LMCD1: variants seen among roughly 807,000 people sequenced by gnomAD.
The protein encoded by LMCD1 is LIM and cysteine-rich domains protein 1.
A neutral mutation model predicts 42.7 loss-of-function variants in LMCD1; 32 were observed. That is an observed-to-expected ratio of 0.75 (90% CI 0.57 to 1.01). LMCD1 has a LOEUF of 1.01. LMCD1 is among the 50% of genes least tolerant of loss of function. The pLI is 0.00. For synonymous variants in LMCD1, 178 were observed against 184.9 expected (o/e 0.96, Z 0.30); for missense variants, 458 against 483.1 (o/e 0.95, Z 0.49).
chr3:8,517,818 AC>A (rs1694126649), intron 1 of LMCD1, among the ~76,000 whole-genome samples: 1 of 152,088 alleles, frequency 6.6e-6, no homozygotes, highest in Admixed American at 6.5e-5. Flanking sequence ...ATTTTTATAC[AC>A]TTTAGAGATA....
At chr3:8,555,527 C>T (rs568048520) in intron 4 of LMCD1, among the ~76,000 whole-genome samples, 1 of 152,298 alleles carries the variant, frequency 6.6e-6, no homozygotes, top group Non-Finnish European at 1.5e-5. Flanking sequence ...GGGCAGGAGC[C>T]TGGGGGCAGC....
chr3:8,561,742 T>G lies in LMCD1; in HGVS notation c.724-3690T>G, dbSNP rs531736453. Among the ~76,000 whole-genome samples, 25 of 152,276 alleles carry G rather than the reference T, an allele frequency of 1.6e-4. No individual in the cohort carries two copies. In the South Asian group the frequency reaches 5.2e-3, roughly 32 times the overall value. ...GATAATGATTTTCCGAATAGAAAAA[T>G]AACTCTAGAAGGAGAAATAACTCTC... is the stretch of plus-strand genomic sequence containing the variant. On this transcript the variant is annotated intron_variant, in intron 4 of 5. Transcript: ENST00000157600.
chr3:8,544,199 T>C (rs1694690410), intron 3 of LMCD1, among the ~76,000 whole-genome samples: 2 of 152,102 alleles, frequency 1.3e-5, no homozygotes, highest in African/African-American at 2.4e-5. Flanking sequence ...CTCATGACGG[T>C]CAGAACCCTA....
At chr3:8,556,389 T>C (rs1479175316) in intron 4 of LMCD1, among the ~76,000 whole-genome samples, 1 of 148,858 alleles carries the variant, frequency 6.7e-6, no homozygotes, top group African/African-American at 2.5e-5. Flanking sequence ...TCCAGGAAGC[T>C]TTTTTTTTTC....
chr3:8,546,551 G>C (rs934597338), intron 3 of LMCD1, among the ~76,000 whole-genome samples: 1 of 152,238 alleles, frequency 6.6e-6, no homozygotes, highest in Non-Finnish European at 1.5e-5. Flanking sequence ...TTTCAGTTCA[G>C]GACAAGCCGA....
Position 8,567,825 on chromosome 3 carries a change from G to A in LMCD1, c.*227G>A, listed in dbSNP as rs940561824. 1 of 342,484 alleles carries A rather than the reference G, an allele frequency of 2.9e-6. No individual in the cohort carries two copies. The highest frequency in any genetic ancestry group is 5.2e-6 in the Non-Finnish European group (1 of 192,686). The allele number at this position is 342,484 out of a possible 1,614,324, so 21.2% of individuals were successfully genotyped here. On this transcript the variant is annotated 3_prime_UTR_variant, in exon 6 of 6. Transcript: ENST00000157600. ...TTCAAAACCAAAAATATTCTAAGAA[G>A]TCTTAGGATGGAGTTCCTTTTCTTT... is the stretch of plus-strand genomic sequence containing the variant.
At chr3:8,558,548 G>A (rs375386378) in intron 4 of LMCD1, among the ~76,000 whole-genome samples, 6 of 152,196 alleles carry the variant, frequency 3.9e-5, no homozygotes, top group Admixed American at 2.6e-4. Context: ...ACGTTCTCAC[G>A]AGCAAGCTCC....
At position 8,571,450 on chromosome 3, in the gene LMCD1, A is replaced by T. The variant is rs1041367524; in HGVS notation, c.*3852A>T. On this transcript the variant is annotated 3_prime_UTR_variant, in exon 6 of 6. Coordinates refer to ENST00000157600, the MANE Select transcript of LMCD1 (RefSeq NM_014583.4). ...CTGGCAGCCTACACATTGCCACCAC[A>T]CCCCACTTCCTTCTTCCTAGTGGCA... 6.6e-6 allele frequency: 1 copy of T among 152,134 alleles called. No individual in the cohort carries two copies. The highest frequency in any genetic ancestry group is 2.4e-5 in the African/African-American group (1 of 41,430). 9.4% of individuals were successfully genotyped at this position (152,134 alleles called of 1,614,324 possible). A position where few individuals can be genotyped will look rare whatever the true frequency, so the allele number is the denominator to read the frequency against.
At chr3:8,512,899 G>A (rs940590125) in intron 1 of LMCD1, among the ~76,000 whole-genome samples, 3 of 152,168 alleles carry the variant, frequency 2.0e-5, no homozygotes, top group Non-Finnish European at 4.4e-5. Flanking sequence ...AGTGGGAGAG[G>A]TAGGATTAGA....
chr3:8,565,578 G>A lies in LMCD1; in HGVS notation c.870G>A (p.Lys290=), dbSNP rs774927576. The A allele has an allele frequency of 1.2e-6, 2 of 1,613,686 alleles. No homozygotes were observed. The highest frequency in any genetic ancestry group is 1.1e-5 in the South Asian group (1 of 91,054). ...EPLVDLIYFW[K]DGAPWCGRHY... ...TGGTGGACCTCATCTACTTCTGGAA[G>A]GATGGTGCACCCTGGTGCGGCCGCC... is the stretch of plus-strand genomic sequence containing the variant. Residue 290 remains lysine (K), a synonymous_variant, in exon 5 of 6, where the codon AAG becomes AAA. Coordinates refer to ENST00000157600, the MANE Select transcript of LMCD1 (RefSeq NM_014583.4).
Position 8,537,311 on chromosome 3 carries a change from A to G in LMCD1, c.258A>G (p.Lys86=). The change falls in exon 3 of 6, where the codon AAA becomes AAG. Residue 86 remains lysine, a synonymous_variant. Transcript: ENST00000157600. ...ATTCCACCCTCACTGCTCGGGTGAA[A>G]GGCGGGGACGGCATCCGGATTTACA... The part of the protein sequence containing the change: ...SKYSTLTARV[K]GGDGIRIYKR... The G allele has an allele frequency of 6.2e-7, 1 of 1,614,118 alleles. No homozygotes were observed. Among genetic ancestry groups the G allele is most frequent in the Non-Finnish European group, 8.5e-7 (1 of 1,180,020 alleles).
intron 3 of LMCD1, among the ~76,000 whole-genome samples, chr3:8,541,563 A>G (rs191394334): frequency 5.8e-4 from 88 of 152,320 alleles, no homozygotes; most frequent in African/African-American, 2.1e-3. Context: ...AAAAAGAAAA[A>G]TCAAGAAAGG....
At chr3:8,549,136 G>A (rs913731969) in intron 4 of LMCD1, among the ~76,000 whole-genome samples, 13 of 152,264 alleles carry the variant, frequency 8.5e-5, no homozygotes, top group Admixed American at 5.9e-4. Flanking sequence ...AGGCAAAACC[G>A]AAACAGTTTA....
intron 1 of LMCD1, among the ~76,000 whole-genome samples, chr3:8,529,563 G>A (rs1694372470): frequency 6.6e-6 from 1 of 152,214 alleles, no homozygotes; most frequent in Non-Finnish European, 1.5e-5. Context: ...TGGTAGCAGA[G>A]CACCGCGAGG....
Position 8,569,524 on chromosome 3 carries a change from T to C in LMCD1, c.*1926T>C, listed in dbSNP as rs1695180826. 6.6e-6 allele frequency: 1 copy of C among 152,196 alleles called. No homozygotes were observed. The highest frequency in any genetic ancestry group is 2.1e-4 in the South Asian group (1 of 4,824). 9.4% of individuals were successfully genotyped at this position (152,196 alleles called of 1,614,324 possible). A position where few individuals can be genotyped will look rare whatever the true frequency, so the allele number is the denominator to read the frequency against. ...GAACAGTGACCCCTACGCCCATAGA[T>C]GTTACGGTCTGTGGGGGAGATGGGC... On this transcript the variant is annotated 3_prime_UTR_variant, in exon 6 of 6. Transcript: ENST00000157600.
At chr3:8,527,459 G>A (rs1160512290) in intron 1 of LMCD1, among the ~76,000 whole-genome samples, 1 of 152,134 alleles carries the variant, frequency 6.6e-6, no homozygotes, top group African/African-American at 2.4e-5. Flanking sequence ...AAATCACTGA[G>A]TAAAATTCAT....
intron 3 of LMCD1, among the ~76,000 whole-genome samples, chr3:8,542,007 T>TTTTC (rs1176777813): frequency 4.9e-5 from 7 of 143,552 alleles, no homozygotes; most frequent in African/African-American, 1.8e-4. Context: ...TGGAGCTTTT[T>TTTTC]TTTTTTTTTT....
Position 8,537,347 on chromosome 3 carries a change from G to A in LMCD1, c.294G>A (p.Arg98=). ...GDGIRIYKRN[R]MIMTNPIATG... ...GCATCCGGATTTACAAGAGGAACCG[G>A]ATGATCATGACCAACCCTATTGCTA... Residue 98 remains arginine (R), a synonymous_variant, in exon 3 of 6, where the codon CGG becomes CGA. Transcript: ENST00000157600. 6.2e-7 allele frequency: 1 copy of A among 1,614,198 alleles called. No individual in the cohort carries two copies. The highest frequency in any genetic ancestry group is 8.5e-7 in the Non-Finnish European group (1 of 1,180,022).
chr3:8,544,040 T>C (rs1205131202), intron 3 of LMCD1, among the ~76,000 whole-genome samples: 1 of 152,208 alleles, frequency 6.6e-6, no homozygotes, highest in Non-Finnish European at 1.5e-5. Context: ...GGGCTTCTGC[T>C]CGTCCACATG....
Sources: allele counts gnomAD v4.1 joint callset (sites outside exome capture counted in the v4.1 genomes callset), GRCh38; gene constraint gnomAD v4.1.1; transcripts MANE v1.5; gene names NCBI Gene and HGNC (gene_info 2026-07-23, HGNC 2026-07-21).